SPATA6: variants seen among roughly 807,000 people sequenced by gnomAD.
SPATA6 encodes spermatogenesis-associated protein 6.
A neutral mutation model predicts 65.3 loss-of-function variants in SPATA6; 56 were observed. The ratio of observed to expected loss-of-function variants is 0.86; its 90% CI spans 0.69 to 1.07. SPATA6 has a LOEUF of 1.07. Among genes scored for constraint, SPATA6 ranks in the 50% least tolerant of loss-of-function variants. The pLI, the probability that SPATA6 is intolerant of heterozygous loss-of-function variation, is 0.00. For synonymous variants in SPATA6, 199 were observed against 213.2 expected (o/e 0.93, Z 0.58); for missense variants, 590 against 594.8 (o/e 0.99, Z 0.08).
chr1:48,273,236 G>A, the SPATA6 span, among the ~76,000 whole-genome samples: 1 of 152,054 alleles, frequency 6.6e-6, no homozygotes, highest in East Asian at 1.9e-4. Flanking sequence ...ACGGTTTTGT[G>A]GTTTCAAGTT....
chr1:48,263,589 T>G, the SPATA6 span, among the ~76,000 whole-genome samples: 1 of 152,196 alleles, frequency 6.6e-6, no homozygotes, highest in East Asian at 1.9e-4. Context: ...TCTCCTTTCC[T>G]ACCTATTGCA....
At chr1:48,278,494 G>C in the SPATA6 span, among the ~76,000 whole-genome samples, 2 of 152,228 alleles carry the variant, frequency 1.3e-5, no homozygotes, top group African/African-American at 4.8e-5. Context: ...TAAAGGAGCT[G>C]ATGGAGCTGA....
Position 48,472,152 on chromosome 1 carries a change from G to C in SPATA6, c.-144C>G. On this transcript the variant is annotated 5_prime_UTR_variant, in exon 1 of 13. Transcript: ENST00000371847. ...CCCCCAGGCCGGGGCCCGCGGTCCA[G>C]CCTGGGTTCCGCCGGAGAAGCAGCT... is the stretch of plus-strand genomic sequence containing the variant. The C allele has an allele frequency of 1.6e-6, 1 of 617,352 alleles. No individual in the cohort carries two copies. Among genetic ancestry groups the C allele is most frequent in the East Asian group, 3.4e-5 (1 of 29,462 alleles). 38.2% of individuals were successfully genotyped at this position (617,352 alleles called of 1,614,324 possible).
chr1:48,272,038 C>T, the SPATA6 span, among the ~76,000 whole-genome samples: 1 of 151,988 alleles, frequency 6.6e-6, no homozygotes, highest in Admixed American at 6.6e-5. Flanking sequence ...TTGAAAATCT[C>T]CTTAGTAGCT....
intron 1 of SPATA6, among the ~76,000 whole-genome samples, chr1:48,469,816 G>C (rs1256856307): frequency 6.6e-6 from 1 of 151,558 alleles, no homozygotes. Context: ...TTGTGGGGGG[G>C]GCGGTCAGGG....
intron 11 of SPATA6, among the ~76,000 whole-genome samples, chr1:48,332,035 GA>G (rs1251184655): frequency 3.3e-5 from 5 of 152,156 alleles, no homozygotes. Flanking sequence ...AATGCTGAGG[GA>G]ATTTGTTAAC....
chr1:48,446,810 AT>A (rs1399381132), intron 3 of SPATA6, among the ~76,000 whole-genome samples: 1 of 152,234 alleles, frequency 6.6e-6, no homozygotes, highest in African/African-American at 2.4e-5. Context: ...AGACTTGAAC[AT>A]TATCAACTTA....
intron 1 of SPATA6, among the ~76,000 whole-genome samples, chr1:48,470,819 G>A (rs1486470108): frequency 6.6e-6 from 1 of 151,912 alleles, no homozygotes; most frequent in African/African-American, 2.4e-5. Context: ...GGAGAGTAAT[G>A]GTAATATTTC....
chr1:48,336,860 T>C (rs574199353), intron 11 of SPATA6, among the ~76,000 whole-genome samples: 7 of 152,008 alleles, frequency 4.6e-5, no homozygotes, highest in East Asian at 1.9e-4. Context: ...TTTGATAATA[T>C]AAATGAAACA....
chr1:48,363,075 A>G (rs1646866819), intron 9 of SPATA6, among the ~76,000 whole-genome samples: 1 of 152,176 alleles, frequency 6.6e-6, no homozygotes, highest in Non-Finnish European at 1.5e-5. Flanking sequence ...AGAGCTAAAT[A>G]GACATGAAGT....
intron 9 of SPATA6, among the ~76,000 whole-genome samples, chr1:48,366,108 G>GT (rs1647000812): frequency 6.6e-6 from 1 of 152,124 alleles, no homozygotes; most frequent in Non-Finnish European, 1.5e-5. Context: ...ATTGATTTGC[G>GT]TATGTTGAAC....
At chr1:48,299,117 G>A (rs1644869199) in intron 12 of SPATA6, among the ~76,000 whole-genome samples, 1 of 152,054 alleles carries the variant, frequency 6.6e-6, no homozygotes, top group African/African-American at 2.4e-5. Context: ...TGAAAATTTT[G>A]TGTTAGAGTG....
intron 9 of SPATA6, among the ~76,000 whole-genome samples, chr1:48,366,328 T>G (rs1332813071): frequency 6.6e-6 from 1 of 152,194 alleles, no homozygotes; most frequent in Non-Finnish European, 1.5e-5. Context: ...TAGGGAGGAT[T>G]CCCTCTTTTT....
At chr1:48,285,394 C>A in the SPATA6 span, among the ~76,000 whole-genome samples, 1 of 151,520 alleles carries the variant, frequency 6.6e-6, no homozygotes. Context: ...TTAAGCTAGA[C>A]CACTTGGCTC....
chr1:48,316,214 C>T (rs921481094), intron 11 of SPATA6, among the ~76,000 whole-genome samples: 6 of 152,038 alleles, frequency 3.9e-5, no homozygotes, highest in Non-Finnish European at 7.4e-5. Context: ...AAAAGGAGCC[C>T]GCATTACCAA....
chr1:48,460,171 G>A (rs1657320879), intron 1 of SPATA6, among the ~76,000 whole-genome samples: 1 of 151,526 alleles, frequency 6.6e-6, no homozygotes, highest in South Asian at 2.1e-4. Flanking sequence ...TCACTATGTT[G>A]CCCAAACTGG....
the SPATA6 span, among the ~76,000 whole-genome samples, chr1:48,272,147 A>G: frequency 1.3e-5 from 2 of 152,318 alleles, no homozygotes; most frequent in African/African-American, 4.8e-5. Context: ...AATCAAGCTA[A>G]TTAACATATC....
At chr1:48,445,887 T>C (rs1007148467) in intron 3 of SPATA6, among the ~76,000 whole-genome samples, 1 of 152,060 alleles carries the variant, frequency 6.6e-6, no homozygotes, top group African/African-American at 2.4e-5. Flanking sequence ...TTTGCTACTA[T>C]AAATTTTGCT....
At chr1:48,435,844 A>G in intron 3 of SPATA6, 2 of 1,052,032 alleles carry the variant, frequency 1.9e-6, no homozygotes, top group South Asian at 2.8e-5. Context: ...CAGCCTGAAG[A>G]GAGTCGCTGG....
Sources: allele counts gnomAD v4.1 joint callset (sites outside exome capture counted in the v4.1 genomes callset), GRCh38; gene constraint gnomAD v4.1.1; transcripts MANE v1.5; gene names NCBI Gene and HGNC (gene_info 2026-07-23, HGNC 2026-07-21).